The following RANBP3 variants were observed in gnomAD, a reference collection of about 807,000 sequenced individuals.
RANBP3 encodes RAN binding protein 3.
Under a neutral mutation model 77.3 loss-of-function variants are expected in RANBP3, and 14 were observed. The observed-to-expected ratio is 0.18, with a 90% CI of 0.12 to 0.28. The LOEUF is 0.28. Ranked by LOEUF, RANBP3 falls within the 10% of genes least tolerant of loss-of-function variation. RANBP3 has a pLI of 1.00. For missense variants in RANBP3, 586 were observed against 752.3 expected, an observed-to-expected ratio of 0.78 and a Z score of 2.59; for synonymous variants, 315 against 312.4, an observed-to-expected ratio of 1.01 and a Z score of -0.09.
intron 1 of RANBP3, among the ~76,000 whole-genome samples, chr19:5,967,626 T>C (rs2024163): frequency 0.49 from 74,579 of 151,952 alleles, 19,869 homozygotes; most frequent in East Asian, 0.71. Flanking sequence ...CCTTCTAAGC[T>C]TCCACTCCTG....
chr19:5,970,191 T>C (rs1257809904), intron 1 of RANBP3, among the ~76,000 whole-genome samples: 3 of 152,194 alleles, frequency 2.0e-5, no homozygotes, highest in East Asian at 3.8e-4. Context: ...AAATGTCAAC[T>C]GAGCTGAGGG....
At chr19:5,967,627 T>A (rs1010819346) in intron 1 of RANBP3, among the ~76,000 whole-genome samples, 6 of 152,198 alleles carry the variant, frequency 3.9e-5, no homozygotes, top group African/African-American at 9.6e-5. Flanking sequence ...CTTCTAAGCT[T>A]CCACTCCTGC....
intron 13 of RANBP3, among the ~76,000 whole-genome samples, chr19:5,922,297 C>T (rs768244537): frequency 6.6e-6 from 1 of 152,124 alleles, no homozygotes; most frequent in Non-Finnish European, 1.5e-5. Flanking sequence ...TTCCACATAC[C>T]CCCTAAGTCA....
chr19:5,928,295 T>C (rs1044178817), intron 8 of RANBP3: 4 of 441,586 alleles, frequency 9.1e-6, no homozygotes, highest in African/African-American at 6.1e-5. Flanking sequence ...CACTCCAGCC[T>C]GGGTGACAGA....
chr19:5,969,873 C>T (rs188856090), intron 1 of RANBP3, among the ~76,000 whole-genome samples: 1 of 152,344 alleles, frequency 6.6e-6, no homozygotes. Context: ...ATATGATGTC[C>T]ATTGAGGCCT....
Position 5,965,821 on chromosome 19 carries a change from C to CACCA in RANBP3, c.23-7849_23-7848insTGGT, listed in dbSNP as rs1568480303. On this transcript the variant is annotated intron_variant, in intron 1 of 16. Transcript: ENST00000340578. ...CCCAGACGCGTGATGGTTTCATATA[C>CACCA]GTGGCCAGCGTTCTTCGAGCACTTC... 34 of 120,874 alleles carry CACCA rather than the reference C, an allele frequency of 2.8e-4. No homozygotes were observed. The East Asian group carries it at 0.014, about 48-fold the overall frequency. The allele number at this position is 120,874 out of a possible 1,614,324, so 7.5% of individuals were successfully genotyped here. A position where few individuals can be genotyped will look rare whatever the true frequency, so the allele number is the denominator to read the frequency against.
Position 5,923,281 on chromosome 19 carries a change from G to A in RANBP3, c.1122C>T (p.Ala374=), listed in dbSNP as rs149232240. The change falls in exon 13 of 17, where the codon GCC becomes GCT. Residue 374 remains alanine (A), a synonymous_variant. Transcript: ENST00000340578. ...TCCGCGCTGTTGCCTTGGTGTAGGCGGCTGCCGACTCAGCCAGGGACTCTG... is the reference window on the plus strand; with the variant it reads ...TCCGCGCTGTTGCCTTGGTGTAGGCAGCTGCCGACTCAGCCAGGGACTCTG... ...PEKESLAESA[A]AYTKATARKC... is the part of the protein sequence containing the mutation. 1.6e-4 allele frequency: 258 copies of A among 1,614,190 alleles called. 1 individual carries two copies. Among genetic ancestry groups the A allele is most frequent in the South Asian group, 4.1e-4 (37 of 91,084 alleles).
intron 8 of RANBP3, among the ~76,000 whole-genome samples, chr19:5,929,724 G>A (rs1258994607): frequency 6.6e-6 from 1 of 152,192 alleles, no homozygotes; most frequent in Non-Finnish European, 1.5e-5. Context: ...TGTGTGCCAT[G>A]TTCATGGGCG....
chr19:5,939,184 TA>T (rs1475429653), intron 5 of RANBP3, among the ~76,000 whole-genome samples: 1 of 152,142 alleles, frequency 6.6e-6, no homozygotes, highest in Non-Finnish European at 1.5e-5. Flanking sequence ...AAAGTCTGTC[TA>T]AAAAACCAAA....
At position 5,952,251 on chromosome 19, in the gene RANBP3, T is replaced by A. The variant is rs955597587; in HGVS notation, c.79-655A>T. Among the ~76,000 whole-genome samples the A allele has an allele frequency of 6.6e-5, 10 of 151,888 alleles. No homozygotes were observed. Among genetic ancestry groups the A allele is most frequent in the African/African-American group, 1.2e-4 (5 of 41,308 alleles). On this transcript the variant is annotated intron_variant, in intron 2 of 16. Transcript: ENST00000340578. The surrounding 1 kb of genome is among the most constrained non-coding windows in gnomAD (Gnocchi z 4.1). ...GGTTTTTGCATCAGTGGCAGGCGGG[T>A]AGTTCAGATGAAGGAGGGGGGCAAA...
At chr19:5,923,092 G>A (rs2057847106) in intron 13 of RANBP3, 102 bp downstream of exon 13, 2 of 923,408 alleles carry the variant, frequency 2.2e-6, no homozygotes, top group Admixed American at 2.2e-5. Flanking sequence ...CGTCATCTCA[G>A]GGGCAGGCCT....
chr19:5,923,367 A>G, intron 12 of RANBP3, 64 bp from the exon 13 acceptor site: 1 of 1,484,942 alleles, frequency 6.7e-7, no homozygotes, highest in South Asian at 1.1e-5. Flanking sequence ...ATCTCCCCTC[A>G]TCCGACAGGA....
At chr19:5,950,220 C>T (rs1568468211) in intron 3 of RANBP3, among the ~76,000 whole-genome samples, 1 of 152,180 alleles carries the variant, frequency 6.6e-6, no homozygotes, top group Non-Finnish European at 1.5e-5. Flanking sequence ...GGGCTGTACT[C>T]CCAGTGCACT....
In RANBP3 at chr19:5,967,565, A is replaced by C. The variant is rs934625397; in HGVS notation, c.23-9592T>G. Among the ~76,000 whole-genome samples the C allele has an allele frequency of 2.0e-5, 3 of 152,306 alleles. No individual in the cohort carries two copies. The South Asian group carries it at 6.2e-4, about 32-fold the overall frequency. On this transcript the variant is annotated intron_variant, in intron 1 of 16. Coordinates refer to ENST00000340578, the MANE Select transcript of RANBP3 (RefSeq NM_007322.3). ...ATCCCACTCCACCCCATGAGGGCCA[A>C]GCCACATTCTGCCTTCTTTATTTCT...
At chr19:5,919,269 C>T (rs969288681) in intron 14 of RANBP3, among the ~76,000 whole-genome samples, 2 of 152,194 alleles carry the variant, frequency 1.3e-5, no homozygotes, top group East Asian at 1.9e-4. Context: ...AACACCCCTG[C>T]GCCTGGCCTG....
rs2057813271 is a variant in RANBP3, at chr19:5,921,126, A to T, written c.1330+75T>A. The T allele has an allele frequency of 6.6e-7, 1 of 1,525,896 alleles. No individual in the cohort carries two copies. The highest frequency in any genetic ancestry group is 8.8e-7 in the Non-Finnish European group (1 of 1,131,614). The allele number at this position is 1,525,896 out of a possible 1,614,324, so 94.5% of individuals were successfully genotyped here. A position where few individuals can be genotyped will look rare whatever the true frequency, so the allele number is the denominator to read the frequency against. On this transcript the variant is annotated intron_variant, in intron 14 of 16. Transcript: ENST00000340578. This position sits in a 1 kb window ranked among gnomAD's most constrained non-coding sequence, Gnocchi z 5.3. ...GTAGGGTCAGGATCTCCCCCGCTTC[A>T]TTCCCTTTGGAATTGCATAGTCCCC...
At chr19:5,941,572 G>A (rs1334733257) in intron 5 of RANBP3, 49 bp downstream of exon 5, 2 of 1,496,616 alleles carry the variant, frequency 1.3e-6, no homozygotes, top group Non-Finnish European at 1.8e-6. Context: ...GGAATGGCGG[G>A]TTTGTAAGCA....
Position 5,917,881 on chromosome 19 carries a change from C to G in RANBP3, c.1573G>C (p.Ala525Pro), listed in dbSNP as rs759825657. 6.2e-7 allele frequency: 1 copy of G among 1,612,790 alleles called. No individual in the cohort carries two copies. ...VEQEQEAKMPAPEPGAAPSNE... is the reference protein window; with the variant it reads ...VEQEQEAKMPPPEPGAAPSNE... Reference sequence around the variant, plus strand: ...GATGGGGCTGCCCCAGGCTCAGGCGCGGGCATCTTGGCCTCCTGCTCCTGC... The same window carrying G: ...GATGGGGCTGCCCCAGGCTCAGGCGGGGGCATCTTGGCCTCCTGCTCCTGC... The change falls in exon 16 of 17, where the codon GCG becomes CCG. Residue 525 changes from alanine (A) to proline (P), a missense_variant. Physicochemically the swap from Ala to Pro is conservative, Grantham distance 27. This residue lies in a region of RANBP3 where 128 missense variants were observed against 157.0 expected (regional missense o/e 0.82). Transcript: ENST00000340578.
chr19:5,919,518 G>A (rs1326006634), intron 14 of RANBP3, among the ~76,000 whole-genome samples: 2 of 152,238 alleles, frequency 1.3e-5, no homozygotes, highest in African/African-American at 2.4e-5. Flanking sequence ...CCCAGGCAGA[G>A]GGGATGACCT....
Sources: allele counts gnomAD v4.1 joint callset (sites outside exome capture counted in the v4.1 genomes callset), GRCh38; gene constraint gnomAD v4.1.1; regional missense constraint gnomAD v4.1.1; non-coding constraint Gnocchi (gnomAD v3.1); transcripts MANE v1.5; gene names NCBI Gene and HGNC (gene_info 2026-07-23, HGNC 2026-07-21).